The following DUSP28 variants were observed in gnomAD, a reference collection of about 807,000 sequenced individuals.
DUSP28 encodes dual specificity phosphatase 28.
DUSP28 carries 11 observed loss-of-function variants against 8.4 expected under a neutral mutation model. The ratio of observed to expected loss-of-function variants is 1.31; its 90% CI spans 0.83 to 2.17. The LOEUF is 2.17. Ranked by LOEUF, DUSP28 falls within the 30% of genes most tolerant of loss-of-function variation. The pLI, the probability that DUSP28 is intolerant of heterozygous loss-of-function variation, is 0.00. For synonymous variants in DUSP28, 178 were observed against 130.9 expected (o/e 1.36, Z -2.46); for missense variants, 373 against 270.4 (o/e 1.38, Z -2.66).
In DUSP28 at chr2:240,563,535, TAAC is replaced by T. The variant is rs565300599; in HGVS notation, c.*2071_*2073del. Reference sequence around the variant, plus strand: ...GAGCATTTCTAAGCTGTGTATCTCTTAACAAGACCCAGTCAGGCCCTATTGGAA... The same window carrying T: ...GAGCATTTCTAAGCTGTGTATCTCTTAAGACCCAGTCAGGCCCTATTGGAA... On this transcript the variant is annotated 3_prime_UTR_variant, in exon 2 of 2. Coordinates refer to ENST00000405954, the MANE Select transcript of DUSP28 (RefSeq NM_001370465.2). 62 of 152,572 alleles carry T rather than the reference TAAC, an allele frequency of 4.1e-4. No homozygotes were observed. In the East Asian group the frequency reaches 0.011, roughly 26 times the overall value. The allele number at this position is 152,572 out of a possible 1,614,324, so 9.5% of individuals were successfully genotyped here. A position where few individuals can be genotyped will look rare whatever the true frequency, so the allele number is the denominator to read the frequency against.
chr2:240,560,604 C>T lies in DUSP28; in HGVS notation c.-81C>T. 2 of 1,351,212 alleles carry T rather than the reference C, an allele frequency of 1.5e-6. No individual in the cohort carries two copies. Among genetic ancestry groups the T allele is most frequent in the Middle Eastern group, 2.6e-4 (1 of 3,872 alleles). 83.7% of individuals were successfully genotyped at this position (1,351,212 alleles called of 1,614,324 possible). On this transcript the variant is annotated 5_prime_UTR_variant, in exon 1 of 2. Coordinates refer to ENST00000405954, the MANE Select transcript of DUSP28 (RefSeq NM_001370465.2). ...GGGCGCCCGGCGGCCCGCCCGGCTC[C>T]CACAAATAGACTCCTGGGCGGGCGC...
chr2:240,560,396 A>G lies in DUSP28; in HGVS notation c.-289A>G. Reference sequence around the variant, plus strand: ...AGTGCCACAGGCCGCGGGGGCGGGGAGGACGGCGCCCGGGGACAGAGAACA... The same window carrying G: ...AGTGCCACAGGCCGCGGGGGCGGGGGGGACGGCGCCCGGGGACAGAGAACA... On this transcript the variant is annotated 5_prime_UTR_variant, in exon 1 of 2. Transcript: ENST00000405954. The G allele has an allele frequency of 3.7e-6, 1 of 267,232 alleles. No homozygotes were observed. The highest frequency in any genetic ancestry group is 6.9e-6 in the Non-Finnish European group (1 of 144,810). The allele number at this position is 267,232 out of a possible 1,614,324, so 16.6% of individuals were successfully genotyped here. A position where few individuals can be genotyped will look rare whatever the true frequency, so the allele number is the denominator to read the frequency against.
At position 240,562,549 on chromosome 2, in the gene DUSP28, T is replaced by C. The variant is rs2092982589; in HGVS notation, c.*1082T>C. On this transcript the variant is annotated 3_prime_UTR_variant, in exon 2 of 2. Transcript: ENST00000405954. ...TGCTTCATCCGGGGAGGAAGCCTGGTAGATTATAATATTTCCAGGGATAAC... is the reference window on the plus strand; with the variant it reads ...TGCTTCATCCGGGGAGGAAGCCTGGCAGATTATAATATTTCCAGGGATAAC... The C allele has an allele frequency of 1.3e-5, 2 of 152,318 alleles. No individual in the cohort carries two copies. Among genetic ancestry groups the C allele is most frequent in the Admixed American group, 1.3e-4 (2 of 15,308 alleles). 9.4% of individuals were successfully genotyped at this position (152,318 alleles called of 1,614,324 possible). A position where few individuals can be genotyped will look rare whatever the true frequency, so the allele number is the denominator to read the frequency against.
rs747150270 is a variant in DUSP28 at position 240,561,395 on chromosome 2, TGAG to T, written c.464_466del (p.Glu155del). 133 of 1,613,586 alleles carry T rather than the reference TGAG, an allele frequency of 8.2e-5. No individual in the cohort carries two copies. Among genetic ancestry groups the T allele is most frequent in the Middle Eastern group, 4.9e-4 (3 of 6,062 alleles). On this transcript the variant is annotated inframe_deletion, in exon 2 of 2. Coordinates refer to ENST00000405954, the MANE Select transcript of DUSP28 (RefSeq NM_001370465.2). ...GCTTCTGGTCTCAGCTCCAGAAGTA[TGAG>T]GAGGCCCTCCAGGCCCAGTCCTGCC...
rs776750137 is a variant in DUSP28 at position 240,561,463 on chromosome 2, C to G, written c.527C>G (p.Ala176Gly). 5 of 1,612,462 alleles carry G rather than the reference C, an allele frequency of 3.1e-6. No individual in the cohort carries two copies. Among genetic ancestry groups the G allele is most frequent in the Non-Finnish European group, 4.2e-6 (5 of 1,179,476 alleles). Residue 176 changes from alanine (A) to glycine (G), a missense_variant, in exon 2 of 2, where the codon GCT becomes GGT. Ala to Gly is a moderately conservative substitution (Grantham distance 60). Coordinates refer to ENST00000405954, the MANE Select transcript of DUSP28 (RefSeq NM_001370465.2). ...CCAGCCTTAGGGTTGGGCCCTGAGG[C>G]TTGAAGCTTGAAGGCCTGCTGCCTG... Reference protein sequence around the residue: ...EPPALGLGPEA With the variant: ...EPPALGLGPEG
chr2:240,561,108 G>A (rs1446477665), intron 1 of DUSP28, 31 bp downstream of exon 1: 1 of 1,461,506 alleles, frequency 6.8e-7, no homozygotes, highest in South Asian at 1.4e-5. Context: ...GCGGTGTTTC[G>A]AGAGGGGCGT....
rs1454018947 is a variant in DUSP28 at position 240,564,557 on chromosome 2, C to T, written c.*3090C>T. Among the ~76,000 whole-genome samples, 2 of 152,218 alleles carry T rather than the reference C, an allele frequency of 1.3e-5. No homozygotes were observed. The highest frequency in any genetic ancestry group is 2.9e-5 in the Non-Finnish European group (2 of 68,040). ...AAGCCTTGGTCAGGAAAATCTAAAC[C>T]ACTTAAGGAACTGGGCAGAAAGAAA... On this transcript the variant is annotated 3_prime_UTR_variant, in exon 2 of 2. Coordinates refer to ENST00000405954, the MANE Select transcript of DUSP28 (RefSeq NM_001370465.2).
In DUSP28 at chr2:240,561,364, AC is replaced by A. The variant is rs1169096754; in HGVS notation, c.431del (p.Pro144ArgfsTer27). ...AGCGCTCGCCCGGTAGCAGAACCGAACCCGGGCTTCTGGTCTCAGCTCCAGA... is the reference window on the plus strand; with the variant it reads ...AGCGCTCGCCCGGTAGCAGAACCGAACCGGGCTTCTGGTCTCAGCTCCAGA... Reference protein sequence around the residue: ...VKSARPVAEPNPGFWSQLQKY... With the variant: ...VKSARPVAEPXPGFWSQLQKY... On this transcript the variant is annotated frameshift_variant, in exon 2 of 2. Transcript: ENST00000405954. LOFTEE classifies it low-confidence loss of function (END_TRUNC). 6.2e-7 allele frequency: 1 copy of A among 1,613,444 alleles called. No homozygotes were observed. Among genetic ancestry groups the A allele is most frequent in the African/African-American group, 1.3e-5 (1 of 75,004 alleles).
intron 1 of DUSP28, 30 bp from the exon 2 acceptor site, chr2:240,561,300 G>A: frequency 6.2e-7 from 1 of 1,613,366 alleles, no homozygotes. Context: ...AGCGCGACTT[G>A]GGGTTATTCA....
rs1002198812 is a variant in DUSP28 at position 240,562,544 on chromosome 2, C to T, written c.*1077C>T. 5 of 152,144 alleles carry T rather than the reference C, an allele frequency of 3.3e-5. No homozygotes were observed. The highest frequency in any genetic ancestry group is 9.7e-5 in the African/African-American group (4 of 41,428). 9.4% of individuals were successfully genotyped at this position (152,144 alleles called of 1,614,324 possible). The stretch of plus-strand genomic sequence containing the variant: ...AAAGCTGCTTCATCCGGGGAGGAAG[C>T]CTGGTAGATTATAATATTTCCAGGG... On this transcript the variant is annotated 3_prime_UTR_variant, in exon 2 of 2. Coordinates refer to ENST00000405954, the MANE Select transcript of DUSP28 (RefSeq NM_001370465.2).
Position 240,561,279 on chromosome 2 carries a change from T to TG in DUSP28, c.394-50dup, listed in dbSNP as rs780863364. On this transcript the variant is annotated intron_variant, in intron 1 of 1. Transcript: ENST00000405954. ...TTACAGCTGGGCCCGCCTTGGCCCC[T>TG]GCTGGCCATTAGCGCGACTTGGGGT... 5.1e-5 allele frequency: 82 copies of TG among 1,612,292 alleles called. No individual in the cohort carries two copies. The Middle Eastern group carries it at 5.4e-4, about 11-fold the overall frequency.
Position 240,560,471 on chromosome 2 carries a change from T to C in DUSP28, c.-214T>C. 2 of 682,276 alleles carry C rather than the reference T, an allele frequency of 2.9e-6. No homozygotes were observed. Among genetic ancestry groups the C allele is most frequent in the Non-Finnish European group, 2.1e-6 (1 of 478,786 alleles). The allele number at this position is 682,276 out of a possible 1,614,324, so 42.3% of individuals were successfully genotyped here. On this transcript the variant is annotated 5_prime_UTR_variant, in exon 1 of 2. Coordinates refer to ENST00000405954, the MANE Select transcript of DUSP28 (RefSeq NM_001370465.2). The stretch of plus-strand genomic sequence containing the variant: ...CCGGCGCCCTGGTGAGGCCCAAACC[T>C]CCCGCCATGCCCCGGCCCCAACGAG...
In DUSP28 at chr2:240,561,073, T is replaced by A. The variant is rs753036166; in HGVS notation, c.389T>A (p.Phe130Tyr). ...RHRGLSLAKA[F>Y]QMVKSARPVA... The stretch of plus-strand genomic sequence containing the variant: ...CGCGGCCTCAGCCTGGCGAAGGCCT[T>A]CCAGGTGGGCGGGCCTTTAGGGGGG... Residue 130 changes from phenylalanine to tyrosine, a missense_variant, in exon 1 of 2, where the codon TTC becomes TAC. Physicochemically the swap from Phe to Tyr is conservative, Grantham distance 22. Coordinates refer to ENST00000405954, the MANE Select transcript of DUSP28 (RefSeq NM_001370465.2). 6.7e-7 allele frequency: 1 copy of A among 1,486,300 alleles called. No homozygotes were observed. Among genetic ancestry groups the A allele is most frequent in the Non-Finnish European group, 8.9e-7 (1 of 1,128,024 alleles). The allele number at this position is 1,486,300 out of a possible 1,614,324, so 92.1% of individuals were successfully genotyped here. A position where few individuals can be genotyped will look rare whatever the true frequency, so the allele number is the denominator to read the frequency against.
chr2:240,561,443 C>G lies in DUSP28; in HGVS notation c.507C>G (p.Ala169=). ...AQSCLQGEPP[A]LGLGPEA ...CCTGCCTGCAGGGAGAGCCCCCAGC[C>G]TTAGGGTTGGGCCCTGAGGCTTGAA... The change falls in exon 2 of 2, where the codon GCC becomes GCG. Residue 169 remains alanine (A), a synonymous_variant. Coordinates refer to ENST00000405954, the MANE Select transcript of DUSP28 (RefSeq NM_001370465.2). 17 of 1,613,686 alleles carry G rather than the reference C, an allele frequency of 1.1e-5. No individual in the cohort carries two copies. Among genetic ancestry groups the G allele is most frequent in the Non-Finnish European group, 1.4e-5 (17 of 1,179,998 alleles).
rs953769296 is a variant in DUSP28, at chr2:240,562,617, G to C, written c.*1150G>C. 3 of 152,160 alleles carry C rather than the reference G, an allele frequency of 2.0e-5. No homozygotes were observed. Among genetic ancestry groups the C allele is most frequent in the African/African-American group, 7.2e-5 (3 of 41,438 alleles). 9.4% of individuals were successfully genotyped at this position (152,160 alleles called of 1,614,324 possible). ...ACAGGGTAAGAAATTGGTCTATATA[G>C]TTTTCTGTGGGATGGCCATTCTCAA... On this transcript the variant is annotated 3_prime_UTR_variant, in exon 2 of 2. Transcript: ENST00000405954.
At chr2:240,561,261 TGGGCCCG>T in intron 1 of DUSP28, 62 bp from the exon 2 acceptor site, 1 of 1,608,578 alleles carries the variant, frequency 6.2e-7, no homozygotes, top group Non-Finnish European at 8.5e-7. Flanking sequence ...CTCTTACAGC[TGGGCCCG>T]CCTTGGCCCC....
Position 240,564,979 on chromosome 2 carries a change from G to A in DUSP28, c.*3512G>A, listed in dbSNP as rs372359376. Among the ~76,000 whole-genome samples, 2 of 152,314 alleles carry A rather than the reference G, an allele frequency of 1.3e-5. No individual in the cohort carries two copies. The highest frequency in any genetic ancestry group is 2.1e-4 in the South Asian group (1 of 4,818). Reference sequence around the variant, plus strand: ...GCTACTGTCAAGCCAACAAGGTGCTGCCTCTCCCGCCGTGTGAGGGTGGAA... The same window carrying A: ...GCTACTGTCAAGCCAACAAGGTGCTACCTCTCCCGCCGTGTGAGGGTGGAA... On this transcript the variant is annotated 3_prime_UTR_variant, in exon 2 of 2. Transcript: ENST00000405954.
In DUSP28 at chr2:240,560,765, C is replaced by T. The variant is rs1004026924; in HGVS notation, c.81C>T (p.Phe27=). ...TGGTGCGCGTCGCGCCCTCACTCTT[C>T]CTCGGGAGCGCGCGAGCCGCGGGCG... The part of the protein sequence containing the change: ...PPLVRVAPSL[F]LGSARAAGAE... The change falls in exon 1 of 2, where the codon TTC becomes TTT. Residue 27 remains phenylalanine (F), a synonymous_variant. Coordinates refer to ENST00000405954, the MANE Select transcript of DUSP28 (RefSeq NM_001370465.2). 6.1e-6 allele frequency: 9 copies of T among 1,474,072 alleles called. No homozygotes were observed. Among genetic ancestry groups the T allele is most frequent in the Admixed American group, 2.6e-5 (1 of 39,104 alleles). The allele number at this position is 1,474,072 out of a possible 1,614,324, so 91.3% of individuals were successfully genotyped here. A position where few individuals can be genotyped will look rare whatever the true frequency, so the allele number is the denominator to read the frequency against.
rs1226082480 is a variant in DUSP28 at position 240,563,580 on chromosome 2, T to G, written c.*2113T>G. 6.6e-6 allele frequency: 1 copy of G among 152,616 alleles called. No individual in the cohort carries two copies. The highest frequency in any genetic ancestry group is 2.4e-5 in the African/African-American group (1 of 41,474). 9.5% of individuals were successfully genotyped at this position (152,616 alleles called of 1,614,324 possible). On this transcript the variant is annotated 3_prime_UTR_variant, in exon 2 of 2. Coordinates refer to ENST00000405954, the MANE Select transcript of DUSP28 (RefSeq NM_001370465.2). ...CTATTGGAACAGGGCTTTTACCACC[T>G]AGGCGGAAGCTCAGCCATTGAAATG...
Sources: gnomAD v4.1 joint callset for allele counts (sites outside exome capture counted in the v4.1 genomes callset) on GRCh38, gnomAD v4.1.1 for gene constraint, MANE v1.5 for transcripts, NCBI Gene and HGNC (gene_info 2026-07-23, HGNC 2026-07-21) for gene names.